Variants in CSMD1 observed in about 807,000 individuals in gnomAD.
The protein encoded by CSMD1 is CUB and sushi domain-containing protein 1.
In CSMD1, 213 loss-of-function variants were observed where a neutral mutation model predicts 417.5. The ratio of observed to expected loss-of-function variants is 0.51; its 90% CI spans 0.46 to 0.57. The LOEUF (loss-of-function observed/expected upper bound fraction) is 0.57. Among genes scored for constraint, CSMD1 ranks in the 20% least tolerant of loss-of-function variants. The pLI, the probability that CSMD1 is intolerant of heterozygous loss-of-function variation, is 0.00. For synonymous variants in CSMD1, 2,862 were observed against 1,736.8 expected (o/e 1.65, Z -16.11); for missense variants, 6,923 against 4,529.7 (o/e 1.53, Z -15.17).
At chr8:4,507,835 T>C (rs897609068) in intron 2 of CSMD1, among the ~76,000 whole-genome samples, 4 of 152,134 alleles carry the variant, frequency 2.6e-5, no homozygotes, top group African/African-American at 9.7e-5. Flanking sequence ...AAAGGTTTCT[T>C]TGGAGCTGAA....
At chr8:3,239,143 T>A (rs1428367772) in intron 26 of CSMD1, among the ~76,000 whole-genome samples, 1 of 152,112 alleles carries the variant, frequency 6.6e-6, no homozygotes, top group Non-Finnish European at 1.5e-5. Flanking sequence ...CCTTTTTAAG[T>A]GGTGGCTGAG....
chr8:3,815,406 G>C (rs140270666), intron 5 of CSMD1, among the ~76,000 whole-genome samples: 127 of 152,238 alleles, frequency 8.3e-4, no homozygotes, highest in Middle Eastern at 3.4e-3. Flanking sequence ...GGAATGAATT[G>C]AGATTAATTA....
At chr8:4,637,823 A>C (rs1802930274) in intron 1 of CSMD1, among the ~76,000 whole-genome samples, 1 of 151,570 alleles carries the variant, frequency 6.6e-6, no homozygotes, top group Admixed American at 6.6e-5. Context: ...GGCGCCCGCC[A>C]CCGCGCCCGG....
intron 42 of CSMD1, among the ~76,000 whole-genome samples, chr8:3,116,155 C>G (rs1032165281): frequency 3.3e-5 from 5 of 151,896 alleles, no homozygotes; most frequent in African/African-American, 1.2e-4. Flanking sequence ...TAAATAACAC[C>G]TTTTTTAATA....
intron 3 of CSMD1, among the ~76,000 whole-genome samples, chr8:4,354,064 T>C (rs1293423789): frequency 6.6e-6 from 1 of 152,200 alleles, no homozygotes; most frequent in Non-Finnish European, 1.5e-5. Context: ...TATATATCAT[T>C]TCAGAAATCT....
At chr8:3,993,087 T>A (rs2554610) in intron 5 of CSMD1, among the ~76,000 whole-genome samples, 1 of 151,994 alleles carries the variant, frequency 6.6e-6, no homozygotes, top group African/African-American at 2.4e-5. Flanking sequence ...TCAAACAGAG[T>A]CTGAAAATGA....
rs376266233 is a variant in CSMD1, at chr8:3,367,080, T to G, written c.3067A>C (p.Ile1023Leu). Residue 1023 changes from isoleucine (I) to leucine (L), a missense_variant, in exon 20 of 70, where the codon ATA becomes CTA. Transcript: ENST00000635120. ...TCGTACGAAATTGAGAAGTCTGATA[T>G]AAACCGAAGCTGGGCAGTGAAGTTT... is the stretch of plus-strand genomic sequence containing the variant. ...FGNFTAQLRF[I>L]SDFSISYEGF... is the part of the protein sequence containing the mutation. 8 of 1,613,700 alleles carry G rather than the reference T, an allele frequency of 5.0e-6. No individual in the cohort carries two copies. The African/African-American group carries it at 6.7e-5, about 13-fold the overall frequency.
chr8:4,198,745 C>G (rs1223100607), intron 3 of CSMD1, among the ~76,000 whole-genome samples: 2 of 152,048 alleles, frequency 1.3e-5, no homozygotes, highest in Admixed American at 6.6e-5. Context: ...GTAATCTATA[C>G]TTTCTATGTG....
Position 4,761,150 on chromosome 8 carries a change from G to GA in CSMD1, c.86-123593dup, listed in dbSNP as rs202010924. Among the ~76,000 whole-genome samples, 981 of 152,160 alleles carry GA rather than the reference G, an allele frequency of 6.4e-3. 16 individuals are homozygous for GA. The highest frequency in any genetic ancestry group is 0.039 in the South Asian group (186 of 4,818). On this transcript the variant is annotated intron_variant, in intron 1 of 69. Transcript: ENST00000635120. ...AGAGTCTTCTACACGTAAAGGAAAT[G>GA]AAAAAAGTCACTATGAAAGCGAAAT...
intron 17 of CSMD1, among the ~76,000 whole-genome samples, chr8:3,388,896 TACACACACACACACACACAC>T (rs6150441): frequency 0.044 from 6,560 of 147,710 alleles, 402 homozygotes; most frequent in South Asian, 0.19. Flanking sequence ...CACACATGCA[TACACACACACACACACACAC>T]ACACACACAC....
At chr8:3,377,509 G>A (rs574786874) in intron 18 of CSMD1, among the ~76,000 whole-genome samples, 26 of 152,188 alleles carry the variant, frequency 1.7e-4, no homozygotes, top group Admixed American at 5.2e-4. Context: ...CATATAACTG[G>A]CATCCCTATA....
At chr8:3,760,176 G>C (rs188225418) in intron 5 of CSMD1, among the ~76,000 whole-genome samples, 19 of 152,244 alleles carry the variant, frequency 1.2e-4, no homozygotes, top group Admixed American at 6.5e-5. Context: ...TATTTCTGGA[G>C]CATCTCAATC....
chr8:3,919,687 G>C (rs757838347), intron 5 of CSMD1, among the ~76,000 whole-genome samples: 7 of 151,954 alleles, frequency 4.6e-5, no homozygotes, highest in Admixed American at 2.6e-4. Context: ...TTGGAATTTT[G>C]ATAGAGATTG....
At chr8:3,553,150 A>G (rs1188567109) in intron 10 of CSMD1, among the ~76,000 whole-genome samples, 1 of 151,956 alleles carries the variant, frequency 6.6e-6, no homozygotes, top group African/African-American at 2.4e-5. Context: ...GGAAAGACCT[A>G]CTCTGAATAT....
rs536827909 is a variant in CSMD1 at position 4,910,797 on chromosome 8, C to T, written c.85+83535G>A. Among the ~76,000 whole-genome samples, 12 of 152,280 alleles carry T rather than the reference C, an allele frequency of 7.9e-5. No homozygotes were observed. In the East Asian group the frequency reaches 1.9e-3, roughly 24 times the overall value. On this transcript the variant is annotated intron_variant, in intron 1 of 69. Transcript: ENST00000635120. ...ACCTTATAAGGTGGGAAAATATAGT[C>T]ATCCAATTGATAAATGTCATTAGAT...
chr8:4,933,967 C>T (rs1007100919), intron 1 of CSMD1, among the ~76,000 whole-genome samples: 4 of 151,918 alleles, frequency 2.6e-5, no homozygotes, highest in African/African-American at 9.7e-5. Flanking sequence ...CCCACACAGT[C>T]ACTCTCACTC....
intron 2 of CSMD1, among the ~76,000 whole-genome samples, chr8:4,420,878 T>A (rs1165152249): frequency 6.6e-6 from 1 of 152,170 alleles, no homozygotes; most frequent in Non-Finnish European, 1.5e-5. Context: ...TGAAGCCTGG[T>A]CTGTCCTCTT....
At chr8:4,662,760 A>G (rs537895485) in intron 1 of CSMD1, among the ~76,000 whole-genome samples, 17 of 152,306 alleles carry the variant, frequency 1.1e-4, no homozygotes, top group Admixed American at 9.8e-4. Flanking sequence ...GTTCCTATGG[A>G]TGATGCTCAC....
At position 3,183,779 on chromosome 8, in the gene CSMD1, CCAAT is replaced by C. The variant is rs1334343394; in HGVS notation, c.5621-2569_5621-2566del. On this transcript the variant is annotated intron_variant, in intron 36 of 69. Transcript: ENST00000635120. ...TTTCTCCATGACCCCAGACTGCCCT[CCAAT>C]CAGTCATCACGCCTTAACTGGCGTG... Among the ~76,000 whole-genome samples the C allele has an allele frequency of 5.9e-5, 9 of 152,330 alleles. No homozygotes were observed. The East Asian group carries it at 1.2e-3, about 20-fold the overall frequency.
Sources: allele counts gnomAD v4.1 joint callset (sites outside exome capture counted in the v4.1 genomes callset), GRCh38; gene constraint gnomAD v4.1.1; transcripts MANE v1.5; gene names NCBI Gene and HGNC (gene_info 2026-07-23, HGNC 2026-07-21).